ZZEF1: variants seen among roughly 807,000 people sequenced by gnomAD.
The protein encoded by ZZEF1 is zinc finger ZZ-type and EF-hand domain-containing protein 1.
ZZEF1 carries 157 observed loss-of-function variants against 342.8 expected under a neutral mutation model. The ratio of observed to expected loss-of-function variants is 0.46; its 90% CI spans 0.40 to 0.52. The LOEUF (loss-of-function observed/expected upper bound fraction) is 0.52. Ranked by LOEUF, ZZEF1 falls within the 20% of genes least tolerant of loss-of-function variation. The pLI is 0.00. For missense variants in ZZEF1, 3,480 were observed against 3,725.6 expected (o/e 0.93, Z 1.72); for synonymous variants, 1,505 against 1,429.1 (o/e 1.05, Z -1.20).
chr17:4,066,688 T>C lies in ZZEF1; in HGVS notation c.4156-148A>G. On this transcript the variant is annotated intron_variant, in intron 27 of 54. Coordinates refer to ENST00000381638, the MANE Select transcript of ZZEF1 (RefSeq NM_015113.4). ...AGAGGGGTTTGTAATACTCACAACC[T>C]TATTACTTAAAAATTTCTAGAACAC... is the stretch of plus-strand genomic sequence containing the variant. 7 of 689,686 alleles carry C rather than the reference T, an allele frequency of 1.0e-5. No individual in the cohort carries two copies. The South Asian group carries it at 1.3e-4, about 13-fold the overall frequency. The allele number at this position is 689,686 out of a possible 1,614,324, so 42.7% of individuals were successfully genotyped here. A position where few individuals can be genotyped will look rare whatever the true frequency, so the allele number is the denominator to read the frequency against.
At chr17:4,102,166 C>T in intron 9 of ZZEF1, 151 bp downstream of exon 9, 1 of 630,448 alleles carries the variant, frequency 1.6e-6, no homozygotes, top group Non-Finnish European at 2.8e-6. Flanking sequence ...TACAACTACA[C>T]CACACAAATT....
intron 1 of ZZEF1, among the ~76,000 whole-genome samples, chr17:4,140,883 AAGG>A (rs1025447731): frequency 1.0e-3 from 159 of 151,540 alleles, no homozygotes; most frequent in African/African-American, 3.6e-3. Context: ...GGGAAAAAAA[AAGG>A]AGATCTTTCA....
At chr17:4,127,199 A>G (rs2058586064) in intron 1 of ZZEF1, among the ~76,000 whole-genome samples, 1 of 151,960 alleles carries the variant, frequency 6.6e-6, no homozygotes, top group Admixed American at 6.6e-5. Context: ...AGGGGGTCTC[A>G]CACTTTGCTG....
At chr17:4,060,907 T>C (rs190766436) in intron 30 of ZZEF1, among the ~76,000 whole-genome samples, 1 of 152,106 alleles carries the variant, frequency 6.6e-6, no homozygotes. Flanking sequence ...CTGCAAATTA[T>C]CCCCTCTCTT....
chr17:4,111,057 T>C (rs1177189080), intron 5 of ZZEF1, among the ~76,000 whole-genome samples: 3 of 152,130 alleles, frequency 2.0e-5, no homozygotes, highest in African/African-American at 7.3e-5. Context: ...TATTCGTGAA[T>C]ATAACACACT....
At chr17:4,026,009 G>A (rs1210528063) in intron 42 of ZZEF1, among the ~76,000 whole-genome samples, 1 of 152,174 alleles carries the variant, frequency 6.6e-6, no homozygotes, top group African/African-American at 2.4e-5. Context: ...CTGCTAGAAT[G>A]TACAGGGCAG....
intron 35 of ZZEF1, 150 bp downstream of exon 35, chr17:4,051,821 C>T: frequency 1.5e-6 from 1 of 687,586 alleles, no homozygotes; most frequent in African/African-American, 1.8e-5. Flanking sequence ...GTAATGGGTA[C>T]ATGAAGGTTC....
chr17:4,009,983 C>A (rs968313793), intron 52 of ZZEF1, among the ~76,000 whole-genome samples: 1 of 152,092 alleles, frequency 6.6e-6, no homozygotes, highest in Non-Finnish European at 1.5e-5. Context: ...TCCAAGGGAA[C>A]AGGAGGTCGG....
Position 4,016,281 on chromosome 17 carries a change from C to A in ZZEF1, c.8145+42G>T, listed in dbSNP as rs369547738. 3 of 1,583,854 alleles carry A rather than the reference C, an allele frequency of 1.9e-6. No homozygotes were observed. The highest frequency in any genetic ancestry group is 1.4e-5 in the African/African-American group (1 of 73,466). On this transcript the variant is annotated intron_variant, in intron 49 of 54. Transcript: ENST00000381638. The surrounding 1 kb of genome is among the most constrained non-coding windows in gnomAD (Gnocchi z 4.4). ...CACGGAGGGGCTGACGAGGTCTCTGCGGCTCAGTCGCTCTTATGGGGCCTG... is the reference window on the plus strand; with the variant it reads ...CACGGAGGGGCTGACGAGGTCTCTGAGGCTCAGTCGCTCTTATGGGGCCTG...
At chr17:4,007,870 C>T (rs765813043) in intron 54 of ZZEF1, among the ~76,000 whole-genome samples, 5 of 152,082 alleles carry the variant, frequency 3.3e-5, no homozygotes, top group Non-Finnish European at 5.9e-5. Context: ...GAGCGCCGCG[C>T]TCAGGCAGGG....
At chr17:4,131,496 A>AG (rs397758402) in intron 1 of ZZEF1, among the ~76,000 whole-genome samples, 8 of 151,144 alleles carry the variant, frequency 5.3e-5, no homozygotes, top group African/African-American at 1.7e-4. Context: ...AGAAAAAAAA[A>AG]GGCCAGACGC....
chr17:4,102,192 C>T, intron 9 of ZZEF1, 125 bp downstream of exon 9: 3 of 781,990 alleles, frequency 3.8e-6, no homozygotes, highest in Non-Finnish European at 6.3e-6. Context: ...GCAACCACTG[C>T]CAACTGAGAA....
At chr17:4,019,829 T>C in intron 45 of ZZEF1, 60 bp from the exon 46 acceptor site, 1 of 1,273,976 alleles carries the variant, frequency 7.8e-7, no homozygotes, top group Non-Finnish European at 1.1e-6. Context: ...ACGGTATTGA[T>C]CAACTGAACT....
intron 31 of ZZEF1, among the ~76,000 whole-genome samples, chr17:4,058,968 A>G (rs539987986): frequency 6.6e-6 from 1 of 152,294 alleles, no homozygotes; most frequent in South Asian, 2.1e-4. Flanking sequence ...AAAAGAAAAT[A>G]TACACACCAG....
intron 38 of ZZEF1, among the ~76,000 whole-genome samples, chr17:4,042,927 C>A (rs142536777): frequency 0.011 from 1,617 of 152,292 alleles, 21 homozygotes; most frequent in African/African-American, 0.037. Context: ...AGTGATCCGC[C>A]CACCTTGGCC....
intron 1 of ZZEF1, among the ~76,000 whole-genome samples, chr17:4,127,048 C>A (rs925832065): frequency 1.3e-5 from 2 of 151,276 alleles, no homozygotes; most frequent in African/African-American, 4.9e-5. Context: ...TGCTCTGTCA[C>A]CAAGGTTGGA....
chr17:4,096,087 G>T, intron 10 of ZZEF1, 108 bp from the exon 11 acceptor site: 1 of 1,232,550 alleles, frequency 8.1e-7, no homozygotes, highest in South Asian at 1.9e-5. Flanking sequence ...CGAGACCAAT[G>T]AAAAATATTT....
intron 15 of ZZEF1, 141 bp downstream of exon 15, chr17:4,086,345 G>GCAATCCCTTTCTGGGAGATTCCCACAGCA (rs2057823980): frequency 1.9e-5 from 1 of 53,474 alleles, no homozygotes; most frequent in African/African-American, 1.6e-4. Context: ...TTCCCACAGC[G>GCAATCCCTTTCTGGGAGATTCCCACAGCA]GCAATCCCTT....
intron 24 of ZZEF1, among the ~76,000 whole-genome samples, chr17:4,073,541 T>C (rs780513174): frequency 6.6e-6 from 1 of 152,210 alleles, no homozygotes; most frequent in Non-Finnish European, 1.5e-5. Context: ...GCTCAAGTGA[T>C]CCTCCTGCCT....
Sources: allele counts gnomAD v4.1 joint callset (sites outside exome capture counted in the v4.1 genomes callset), GRCh38; gene constraint gnomAD v4.1.1; non-coding constraint Gnocchi (gnomAD v3.1); transcripts MANE v1.5; gene names NCBI Gene and HGNC (gene_info 2026-07-23, HGNC 2026-07-21).